NISCH: variants seen among roughly 807,000 people sequenced by gnomAD.
NISCH encodes the protein nischarin.
Under a neutral mutation model 138.4 loss-of-function variants are expected in NISCH, and 55 were observed. That is an observed-to-expected ratio of 0.40 (90% CI 0.32 to 0.50). The LOEUF is 0.50. NISCH is among the 20% of genes least tolerant of loss of function. The pLI, the probability that NISCH is intolerant of heterozygous loss-of-function variation, is 0.71. For synonymous variants in NISCH, 860 were observed against 861.5 expected (o/e 1.00, Z 0.03); for missense variants, 1,643 against 2,005.5 (o/e 0.82, Z 3.45).
Position 52,481,191 on chromosome 3 carries a change from C to T in NISCH, c.1528+896C>T, listed in dbSNP as rs559562683. The T allele has an allele frequency of 3.7e-5, 44 of 1,179,060 alleles. No individual in the cohort carries two copies. The South Asian group carries it at 7.6e-4, about 20-fold the overall frequency. 73.0% of individuals were successfully genotyped at this position (1,179,060 alleles called of 1,614,324 possible). A position where few individuals can be genotyped will look rare whatever the true frequency, so the allele number is the denominator to read the frequency against. On this transcript the variant is annotated intron_variant, in intron 13 of 20. Transcript: ENST00000345716. Reference sequence around the variant, plus strand: ...TGAAATGCTCACCACTGCCAAAACACGGGCTGCAACTGCAACATCGGAGGA... The same window carrying T: ...TGAAATGCTCACCACTGCCAAAACATGGGCTGCAACTGCAACATCGGAGGA...
At chr3:52,463,880 C>T (rs1438778215) in intron 3 of NISCH, among the ~76,000 whole-genome samples, 5 of 151,232 alleles carry the variant, frequency 3.3e-5, no homozygotes, top group South Asian at 2.1e-4. Flanking sequence ...TGCACCACCA[C>T]GCCTGGCTAA....
At chr3:52,491,823 C>T in intron 20 of NISCH, 49 bp from the exon 21 acceptor site, 3 of 1,528,034 alleles carry the variant, frequency 2.0e-6, no homozygotes, top group South Asian at 1.3e-5. Context: ...GCTCCCAGCC[C>T]CACCAGGGGC....
intron 3 of NISCH, among the ~76,000 whole-genome samples, chr3:52,460,591 A>G (rs1308341303): frequency 1.3e-5 from 2 of 151,890 alleles, no homozygotes; most frequent in African/African-American, 4.8e-5. Flanking sequence ...TTTTGTAGAG[A>G]TGGGGTCTTG....
At position 52,489,453 on chromosome 3, in the gene NISCH, A is replaced by G. The variant is rs768304292; in HGVS notation, c.3231A>G (p.Pro1077=). 3.1e-6 allele frequency: 5 copies of G among 1,601,508 alleles called. No individual in the cohort carries two copies. The South Asian group carries it at 4.4e-5, about 14-fold the overall frequency. Residue 1077 remains proline, a synonymous_variant, in exon 17 of 21, where the codon CCA becomes CCG. Transcript: ENST00000345716. The part of the protein sequence containing the change: ...SASGPAKTPA[P]AEASTSALVP... ...CAGGCCCAGCGAAGACTCCGGCCCC[A>G]GCAGAGGCCTCAACTTCAGCTTTGG...
At position 52,479,767 on chromosome 3, in the gene NISCH, G is replaced by A. The variant is rs1009884723; in HGVS notation, c.1321G>A (p.Val441Met). Residue 441 changes from valine (V) to methionine (M), a missense_variant, in exon 12 of 21, where the codon GTG (valine) becomes ATG (methionine). Coordinates refer to ENST00000345716, the MANE Select transcript of NISCH (RefSeq NM_007184.4). ...GCTCTAGGTCTGTCTGGATGACACAGTGACCACAGAGAAGGAGCTGGACAC... is the reference window on the plus strand; with the variant it reads ...GCTCTAGGTCTGTCTGGATGACACAATGACCACAGAGAAGGAGCTGGACAC... ...RASEVCLDDT[V>M]TTEKELDTVE... 1.2e-6 allele frequency: 2 copies of A among 1,613,430 alleles called. No homozygotes were observed. Among genetic ancestry groups the A allele is most frequent in the South Asian group, 1.1e-5 (1 of 90,920 alleles).
At chr3:52,481,809 ACACTCTGCAGAGGGG>A (rs975204928) in intron 13 of NISCH, 13 of 985,272 alleles carry the variant, frequency 1.3e-5, no homozygotes, top group Non-Finnish European at 1.6e-5. Context: ...TGCCCTGGGG[ACACTCTGCAGAGGGG>A]CACTCTGCAG....
chr3:52,488,554 G>C lies in NISCH; in HGVS notation c.3062G>C (p.Gly1021Ala). Residue 1021 changes from glycine to alanine, a missense_variant, in exon 16 of 21, where the codon GGC (glycine) becomes GCC (alanine). Transcript: ENST00000345716. The stretch of plus-strand genomic sequence containing the variant: ...ATCGCCAAGACCCCCGGGACGGGAG[G>C]CAGCCCCCAGGGCTCCTTTGCGGAT... ...VVIAKTPGTG[G>A]SPQGSFADGQ... is the part of the protein sequence containing the mutation. 6.2e-7 allele frequency: 1 copy of C among 1,612,832 alleles called. No individual in the cohort carries two copies. Among genetic ancestry groups the C allele is most frequent in the South Asian group, 1.1e-5 (1 of 91,070 alleles).
rs755678575 is a variant in NISCH at position 52,455,623 on chromosome 3, T to G, written c.-19T>G. On this transcript the variant is annotated 5_prime_UTR_variant, in exon 1 of 21. Transcript: ENST00000345716. ...GCTGCTAGTCTGCGCCGGGCGGCGGTGGCGGCGGAGACCCGAACATGGCGA... is the reference window on the plus strand; with the variant it reads ...GCTGCTAGTCTGCGCCGGGCGGCGGGGGCGGCGGAGACCCGAACATGGCGA... 8.4e-6 allele frequency: 11 copies of G among 1,312,444 alleles called. No individual in the cohort carries two copies. The highest frequency in any genetic ancestry group is 5.9e-6 in the Non-Finnish European group (6 of 1,023,932). 81.3% of individuals were successfully genotyped at this position (1,312,444 alleles called of 1,614,324 possible).
rs1707546052 is a variant in NISCH at position 52,490,960 on chromosome 3, C to G, written c.3742+127C>G. On this transcript the variant is annotated intron_variant, in intron 19 of 20. Coordinates refer to ENST00000345716, the MANE Select transcript of NISCH (RefSeq NM_007184.4). ...CTGTGCTCAAGAGCCACTTCTTAAC[C>G]GGGGTGGGAGGAAGCAGCTTCAGGA... is the stretch of plus-strand genomic sequence containing the variant. 5.4e-6 allele frequency: 7 copies of G among 1,304,672 alleles called. No homozygotes were observed. The Admixed American group carries it at 8.2e-5, about 15-fold the overall frequency. 80.8% of individuals were successfully genotyped at this position (1,304,672 alleles called of 1,614,324 possible). A position where few individuals can be genotyped will look rare whatever the true frequency, so the allele number is the denominator to read the frequency against.
At position 52,488,060 on chromosome 3, in the gene NISCH, C is replaced by T. The variant is rs771531711; in HGVS notation, c.2568C>T (p.Phe856=). Residue 856 remains phenylalanine, a synonymous_variant, in exon 16 of 21, where the codon TTC becomes TTT. Coordinates refer to ENST00000345716, the MANE Select transcript of NISCH (RefSeq NM_007184.4). ...GCCAGGAGCGCAGCCAGGGCTGCTT[C>T]CCCGTCTACCTGGTCTACAGTGACA... ...GGCQERSQGC[F]PVYLVYSDKR... 5.6e-6 allele frequency: 9 copies of T among 1,612,770 alleles called. No individual in the cohort carries two copies. In the Admixed American group the frequency reaches 1.3e-4, roughly 24 times the overall value.
At chr3:52,461,370 G>A (rs1013049871) in intron 3 of NISCH, among the ~76,000 whole-genome samples, 1 of 152,188 alleles carries the variant, frequency 6.6e-6, no homozygotes, top group African/African-American at 2.4e-5. Flanking sequence ...GCTTGGCAGG[G>A]ACAGGTGGAA....
chr3:52,464,517 CTTTTTTT>C (rs71084185), intron 3 of NISCH, among the ~76,000 whole-genome samples: 14 of 75,820 alleles, frequency 1.8e-4, no homozygotes, highest in African/African-American at 6.5e-4. Context: ...TGTGAGTTGT[CTTTTTTT>C]TTTTTTTTTT....
rs141019693 is a variant in NISCH at position 52,492,526 on chromosome 3, G to A, written c.*44G>A. 2.1e-4 allele frequency: 318 copies of A among 1,526,660 alleles called. 1 individual carries two copies. The East Asian group carries it at 7.1e-3, about 34-fold the overall frequency. 94.6% of individuals were successfully genotyped at this position (1,526,660 alleles called of 1,614,324 possible). A position where few individuals can be genotyped will look rare whatever the true frequency, so the allele number is the denominator to read the frequency against. ...TGTCGTGTCCAGCCTGACGCCTACT[G>A]GGGCAGGGCAGCAGGCTTTTGTGTT... On this transcript the variant is annotated 3_prime_UTR_variant, in exon 21 of 21. Coordinates refer to ENST00000345716, the MANE Select transcript of NISCH (RefSeq NM_007184.4).
rs1707228931 is a variant in NISCH at position 52,480,210 on chromosome 3, T to G, written c.1443T>G (p.Ala481=). The G allele has an allele frequency of 6.2e-7, 1 of 1,613,904 alleles. No individual in the cohort carries two copies. The highest frequency in any genetic ancestry group is 8.5e-7 in the Non-Finnish European group (1 of 1,180,000). ...KKGGEDSRLS[A]APCIRPSSSP... The stretch of plus-strand genomic sequence containing the variant: ...GTGGTGAAGACTCCCGGCTCTCAGC[T>G]GCCCCCTGCATCAGACCCAGCAGCT... The change falls in exon 13 of 21, where the codon GCT becomes GCG. Residue 481 remains alanine (A), a synonymous_variant. Coordinates refer to ENST00000345716, the MANE Select transcript of NISCH (RefSeq NM_007184.4).
intron 3 of NISCH, among the ~76,000 whole-genome samples, chr3:52,462,995 T>C (rs1200127547): frequency 6.6e-6 from 1 of 152,236 alleles, no homozygotes; most frequent in Admixed American, 6.5e-5. Context: ...AACTTTTTAA[T>C]GTGTACAATT....
In NISCH at chr3:52,489,370, G is replaced by T; in HGVS notation, c.3148G>T (p.Ala1050Ser). 6.2e-7 allele frequency: 1 copy of T among 1,611,906 alleles called. No homozygotes were observed. Among genetic ancestry groups the T allele is most frequent in the Non-Finnish European group, 8.5e-7 (1 of 1,179,028 alleles). The stretch of plus-strand genomic sequence containing the variant: ...GCGTCCCCAGGAGGTCCCAGCAGAG[G>T]CTCTGGCCCCGGCCCCAGCGGAAGT... ...DQRPQEVPAEALAPAPAEVPA... is the reference protein window; with the variant it reads ...DQRPQEVPAESLAPAPAEVPA... Residue 1050 changes from alanine to serine, a missense_variant, in exon 17 of 21, where the codon GCT becomes TCT. By Grantham distance (99) the Ala-to-Ser change is moderately conservative (BLOSUM62 1). Coordinates refer to ENST00000345716, the MANE Select transcript of NISCH (RefSeq NM_007184.4).
intron 3 of NISCH, among the ~76,000 whole-genome samples, chr3:52,463,714 CTTTTTTTTT>C (rs71084184): frequency 6.0e-4 from 25 of 41,404 alleles, no homozygotes; most frequent in Admixed American, 2.5e-3. Context: ...TATTGAACCT[CTTTTTTTTT>C]TTTTTTTTTT....
Position 52,484,527 on chromosome 3 carries a change from CAGG to C in NISCH, c.1550_1552del (p.Glu517del). ...GGTCTCTCCAGGAATCATGTTCGTT[CAGG>C]AGGAGGCCCTGGCCAGCAGCCTCTC... On this transcript the variant is annotated inframe_deletion, in exon 14 of 21. Transcript: ENST00000345716. 2.9e-6 allele frequency: 4 copies of C among 1,388,188 alleles called. No homozygotes were observed. The highest frequency in any genetic ancestry group is 3.8e-6 in the Non-Finnish European group (4 of 1,045,856). 86.0% of individuals were successfully genotyped at this position (1,388,188 alleles called of 1,614,324 possible).
At chr3:52,489,223 G>A (rs1707494665) in intron 16 of NISCH, 113 bp from the exon 17 acceptor site, 9 of 1,317,940 alleles carry the variant, frequency 6.8e-6, no homozygotes. Context: ...GAAGTCCCCA[G>A]TAACCCAGAG....
Sources: gnomAD v4.1 joint callset for allele counts (sites outside exome capture counted in the v4.1 genomes callset) on GRCh38, gnomAD v4.1.1 for gene constraint, MANE v1.5 for transcripts, NCBI Gene and HGNC (gene_info 2026-07-23, HGNC 2026-07-21) for gene names.